The following XKR4 variants were observed in gnomAD, a reference collection of about 807,000 sequenced individuals.
XKR4 encodes the protein XK-related protein 4.
Under a neutral mutation model 53.9 loss-of-function variants are expected in XKR4, and 12 were observed. The observed-to-expected ratio is 0.22, with a 90% confidence interval of 0.14 to 0.36. The LOEUF is 0.36. XKR4 is among the 10% of genes least tolerant of loss of function. The probability of loss-of-function intolerance (pLI) is 1.00; values close to 1 mark genes in which losing one functional copy is unlikely to be tolerated. For missense variants in XKR4, 799 were observed against 859.5 expected, an observed-to-expected ratio of 0.93 and a Z score of 0.88; for synonymous variants, 354 against 362.4, an observed-to-expected ratio of 0.98 and a Z score of 0.26.
At chr8:55,307,110 G>C (rs1819313900) in intron 1 of XKR4, among the ~76,000 whole-genome samples, 1 of 151,968 alleles carries the variant, frequency 6.6e-6, no homozygotes, top group South Asian at 2.1e-4. Context: ...GACACCAAAA[G>C]CATGATTCAG....
intron 1 of XKR4, among the ~76,000 whole-genome samples, chr8:55,233,817 G>A (rs1322852451): frequency 6.6e-6 from 1 of 152,174 alleles, no homozygotes; most frequent in Non-Finnish European, 1.5e-5. Context: ...AATGCAGCAA[G>A]CACATACCTG....
chr8:55,200,169 G>T (rs1817561168), intron 1 of XKR4, among the ~76,000 whole-genome samples: 1 of 152,210 alleles, frequency 6.6e-6, no homozygotes, highest in African/African-American at 2.4e-5. Flanking sequence ...CTGGGTTCAA[G>T]TGAATCCCCT....
At chr8:55,250,826 A>G (rs1322708351) in intron 1 of XKR4, among the ~76,000 whole-genome samples, 3 of 152,264 alleles carry the variant, frequency 2.0e-5, no homozygotes. Flanking sequence ...TACTTTTTGA[A>G]TAATTCAAAT....
intron 1 of XKR4, among the ~76,000 whole-genome samples, chr8:55,165,777 C>G (rs924586583): frequency 1.3e-5 from 2 of 148,444 alleles, no homozygotes; most frequent in African/African-American, 5.0e-5. Context: ...TGCACTCCAG[C>G]CTGGGCGACA....
intron 2 of XKR4, chr8:55,454,303 G>A: frequency 1.4e-6 from 2 of 1,456,810 alleles, no homozygotes; most frequent in Non-Finnish European, 1.9e-6. Flanking sequence ...AGGCCGCATT[G>A]ACCCCGATTA....
At chr8:55,497,692 G>C (rs1189455138) in intron 2 of XKR4, among the ~76,000 whole-genome samples, 1 of 152,204 alleles carries the variant, frequency 6.6e-6, no homozygotes, top group African/African-American at 2.4e-5. Context: ...AATGTGCAAT[G>C]TATATTTCTC....
At chr8:55,491,624 G>GC (rs1563365301) in intron 2 of XKR4, among the ~76,000 whole-genome samples, 2 of 80,170 alleles carry the variant, frequency 2.5e-5, no homozygotes, top group Admixed American at 3.0e-4. Flanking sequence ...ATGTCTTTGG[G>GC]GGTTTGTTTG....
chr8:55,354,898 T>C (rs1803776134), intron 1 of XKR4, among the ~76,000 whole-genome samples: 1 of 149,262 alleles, frequency 6.7e-6, no homozygotes, highest in East Asian at 1.9e-4. Context: ...GACTCATCAG[T>C]ATAGAATTTT....
intron 1 of XKR4, among the ~76,000 whole-genome samples, chr8:55,279,631 A>G (rs779611632): frequency 6.6e-6 from 1 of 152,142 alleles, no homozygotes; most frequent in Non-Finnish European, 1.5e-5. Context: ...CTGAATCAAG[A>G]GCCTTTACTT....
intron 2 of XKR4, among the ~76,000 whole-genome samples, chr8:55,438,383 C>G (rs986797042): frequency 4.6e-5 from 7 of 151,586 alleles, no homozygotes; most frequent in African/African-American, 7.3e-5. Flanking sequence ...GTCAGGAGTT[C>G]GAAACCAGCC....
At chr8:55,456,437 G>GA (rs1392908038) in intron 2 of XKR4, among the ~76,000 whole-genome samples, 43 of 150,146 alleles carry the variant, frequency 2.9e-4, no homozygotes, top group Middle Eastern at 3.4e-3. Flanking sequence ...GTCTTGAAAA[G>GA]AAAAAAAAGA....
chr8:55,201,314 G>A (rs1817574816), intron 1 of XKR4, among the ~76,000 whole-genome samples: 3 of 152,184 alleles, frequency 2.0e-5, no homozygotes, highest in Non-Finnish European at 4.4e-5. Flanking sequence ...CTGAAAAATT[G>A]TCATGTCACT....
At chr8:55,479,500 A>C (rs536114211) in intron 2 of XKR4, among the ~76,000 whole-genome samples, 35 of 152,160 alleles carry the variant, frequency 2.3e-4, no homozygotes, top group Non-Finnish European at 4.3e-4. Context: ...TTAGAAAAGC[A>C]AGAGCAAACA....
At position 55,102,540 on chromosome 8, in the gene XKR4, G is replaced by T. The variant is rs1816059588; in HGVS notation, c.52G>T (p.Ala18Ser). ...GAAAATGAAGAAAAGCAGCGACGTG[G>T]CGTTCACCCCGCTGCAGAACTCGGA... ...RLKMKKSSDV[A>S]FTPLQNSDHS... is the part of the protein sequence containing the mutation. Residue 18 changes from alanine to serine, a missense_variant, in exon 1 of 3, where the codon GCG (alanine) becomes TCG (serine). Coordinates refer to ENST00000327381, the MANE Select transcript of XKR4 (RefSeq NM_052898.2). The surrounding 1 kb of genome is among the most constrained non-coding windows in gnomAD (Gnocchi z 5.1). 1 of 1,551,396 alleles carries T rather than the reference G, an allele frequency of 6.4e-7. No homozygotes were observed. The highest frequency in any genetic ancestry group is 8.7e-7 in the Non-Finnish European group (1 of 1,145,340).
At chr8:55,515,125 C>T (rs1036042740) in intron 2 of XKR4, among the ~76,000 whole-genome samples, 4 of 152,170 alleles carry the variant, frequency 2.6e-5, no homozygotes, top group South Asian at 4.1e-4. Context: ...AATTTCAATT[C>T]GTTGTTTTCC....
intron 1 of XKR4, among the ~76,000 whole-genome samples, chr8:55,196,624 C>T (rs568682554): frequency 6.6e-6 from 1 of 152,278 alleles, no homozygotes; most frequent in East Asian, 1.9e-4. Context: ...GGGATTAAGA[C>T]ATGGTTTGCT....
intron 2 of XKR4, among the ~76,000 whole-genome samples, chr8:55,460,232 C>T (rs1407204911): frequency 6.6e-6 from 1 of 152,008 alleles, no homozygotes; most frequent in Non-Finnish European, 1.5e-5. Flanking sequence ...AAGGCAAAAC[C>T]ACAGTAACAG....
chr8:55,419,344 C>T (rs549177987), intron 2 of XKR4, among the ~76,000 whole-genome samples: 15 of 152,144 alleles, frequency 9.9e-5, no homozygotes, highest in Non-Finnish European at 2.1e-4. Flanking sequence ...AAGATCACAC[C>T]ATTGCACTCC....
intron 1 of XKR4, among the ~76,000 whole-genome samples, chr8:55,225,764 G>A (rs776997645): frequency 5.9e-5 from 9 of 152,336 alleles, no homozygotes; most frequent in Middle Eastern, 6.8e-3. Context: ...TGGTGCTGAC[G>A]ATTGTTTCCT....
Sources: gnomAD v4.1 joint callset for allele counts (sites outside exome capture counted in the v4.1 genomes callset) on GRCh38, gnomAD v4.1.1 for gene constraint, Gnocchi (gnomAD v3.1) non-coding constraint, MANE v1.5 for transcripts, NCBI Gene and HGNC (gene_info 2026-07-23, HGNC 2026-07-21) for gene names.